KCND2: variants seen among roughly 807,000 people sequenced by gnomAD.
The protein encoded by KCND2 is potassium voltage-gated channel subfamily D member 2.
Under a neutral mutation model 54.4 loss-of-function variants are expected in KCND2, and 16 were observed. That is an observed-to-expected ratio of 0.29 (90% CI 0.20 to 0.45). The LOEUF (loss-of-function observed/expected upper bound fraction) is 0.45, where lower values mean the gene tolerates loss of function less well. KCND2 is among the 20% of genes least tolerant of loss of function. The pLI is 1.00. For synonymous variants in KCND2, 317 were observed against 310.7 expected, an observed-to-expected ratio of 1.02 and a Z score of -0.21; for missense variants, 486 against 824.2, an observed-to-expected ratio of 0.59 and a Z score of 5.02.
chr7:120,439,091 C>G (rs928872024), intron 1 of KCND2, among the ~76,000 whole-genome samples: 5 of 152,018 alleles, frequency 3.3e-5, no homozygotes, highest in Admixed American at 2.6e-4. Flanking sequence ...TAAGCCTGTG[C>G]TTTATTAAGA....
chr7:120,335,355 CAAAAAAAAAAA>C (rs35404512), intron 1 of KCND2, among the ~76,000 whole-genome samples: 5 of 58,398 alleles, frequency 8.6e-5, no homozygotes. Context: ...AAGACTCTAT[CAAAAAAAAAAA>C]AAAAAAAAAA....
intron 1 of KCND2, among the ~76,000 whole-genome samples, chr7:120,660,251 T>C (rs866762950): frequency 3.9e-5 from 6 of 152,278 alleles, no homozygotes; most frequent in Admixed American, 6.5e-5. Flanking sequence ...TTCTTCCAAT[T>C]AAAAGCAGTT....
At chr7:120,655,927 T>A (rs924638422) in intron 1 of KCND2, among the ~76,000 whole-genome samples, 1 of 152,116 alleles carries the variant, frequency 6.6e-6, no homozygotes, top group East Asian at 1.9e-4. Flanking sequence ...AGGTCAAAAT[T>A]AAAGAAGAAA....
intron 1 of KCND2, among the ~76,000 whole-genome samples, chr7:120,596,403 G>A (rs1359035109): frequency 6.6e-6 from 1 of 152,136 alleles, no homozygotes; most frequent in African/African-American, 2.4e-5. Context: ...TTGTGTAATT[G>A]TATATGAGTT....
intron 1 of KCND2, among the ~76,000 whole-genome samples, chr7:120,499,730 A>G (rs143067903): frequency 3.0e-4 from 45 of 152,274 alleles, no homozygotes; most frequent in African/African-American, 1.0e-3. Context: ...AAAATGTTTT[A>G]TGCTGTCCCC....
intron 1 of KCND2, among the ~76,000 whole-genome samples, chr7:120,459,342 T>C (rs1377237813): frequency 6.6e-6 from 1 of 152,186 alleles, no homozygotes; most frequent in Non-Finnish European, 1.5e-5. Context: ...ATTATCTGCA[T>C]AGCATGTTCC....
At position 120,280,821 on chromosome 7, in the gene KCND2, A is replaced by G. The variant is rs191027187; in HGVS notation, c.1115+5074A>G. On this transcript the variant is annotated intron_variant, in intron 1 of 5. Transcript: ENST00000331113. ...TATCTAGAAATGTGTTATAATAATT[A>G]TCGGGACTGCTGCTGATTATACAGG... Among the ~76,000 whole-genome samples, 457 of 152,244 alleles carry G rather than the reference A, an allele frequency of 3.0e-3. 3 individuals carry two copies. Among genetic ancestry groups the G allele is most frequent in the Admixed American group, 0.016 (245 of 15,274 alleles).
Position 120,748,781 on chromosome 7 carries a change from C to T in KCND2, c.*923C>T, listed in dbSNP as rs888429028. On this transcript the variant is annotated 3_prime_UTR_variant, in exon 6 of 6. Transcript: ENST00000331113. ...ATGTTTTTCAGTAATATTTTTTGGT[C>T]CACTGTATTCCTGTGACACAGTGCA... 3.3e-4 allele frequency: 50 copies of T among 151,918 alleles called. No homozygotes were observed. Among genetic ancestry groups the T allele is most frequent in the Admixed American group, 2.9e-3 (44 of 15,228 alleles). 9.4% of individuals were successfully genotyped at this position (151,918 alleles called of 1,614,324 possible). A position where few individuals can be genotyped will look rare whatever the true frequency, so the allele number is the denominator to read the frequency against.
intron 1 of KCND2, among the ~76,000 whole-genome samples, chr7:120,510,351 A>G (rs901234836): frequency 3.9e-5 from 6 of 152,134 alleles, no homozygotes; most frequent in South Asian, 4.1e-4. Context: ...GCTTAAGATT[A>G]CCAATTATGA....
intron 1 of KCND2, among the ~76,000 whole-genome samples, chr7:120,377,599 T>G (rs1800852991): frequency 6.6e-6 from 1 of 151,970 alleles, no homozygotes; most frequent in South Asian, 2.1e-4. Context: ...AGGTAACAGT[T>G]TAAGGAGTCA....
intron 1 of KCND2, among the ~76,000 whole-genome samples, chr7:120,531,562 G>A (rs919187803): frequency 3.3e-5 from 5 of 152,002 alleles, no homozygotes; most frequent in Non-Finnish European, 7.4e-5. Flanking sequence ...TAGAGAAACT[G>A]TTTCTATTTA....
intron 1 of KCND2, among the ~76,000 whole-genome samples, chr7:120,380,338 T>G (rs2116023958): frequency 6.6e-6 from 1 of 152,172 alleles, no homozygotes; most frequent in South Asian, 2.1e-4. Context: ...ATTTATGCCT[T>G]TCCTGTTTCC....
At chr7:120,507,363 G>C (rs1486546880) in intron 1 of KCND2, among the ~76,000 whole-genome samples, 1 of 151,850 alleles carries the variant, frequency 6.6e-6, no homozygotes, top group East Asian at 1.9e-4. Flanking sequence ...CTCACTACCT[G>C]TTCTCTTCTT....
intron 1 of KCND2, among the ~76,000 whole-genome samples, chr7:120,519,791 A>C (rs1051863272): frequency 3.3e-5 from 5 of 152,148 alleles, no homozygotes; most frequent in African/African-American, 1.2e-4. Context: ...AACAAAATGA[A>C]ATCTATTTTT....
chr7:120,448,353 A>G (rs903668787), intron 1 of KCND2, among the ~76,000 whole-genome samples: 8 of 152,204 alleles, frequency 5.3e-5, no homozygotes, highest in Admixed American at 5.2e-4. Flanking sequence ...TACAAAGGAC[A>G]TGAACTCATC....
At chr7:120,296,717 AT>A (rs1799518468) in intron 1 of KCND2, among the ~76,000 whole-genome samples, 1 of 152,092 alleles carries the variant, frequency 6.6e-6, no homozygotes, top group South Asian at 2.1e-4. Flanking sequence ...GTTTTCCAAT[AT>A]TTAGAGAAAT....
intron 1 of KCND2, among the ~76,000 whole-genome samples, chr7:120,458,842 A>G (rs1164102439): frequency 6.6e-6 from 1 of 150,524 alleles, no homozygotes; most frequent in Non-Finnish European, 1.5e-5. Flanking sequence ...AAAAATAATA[A>G]TTATTATTAT....
intron 1 of KCND2, among the ~76,000 whole-genome samples, chr7:120,286,653 G>C (rs1156626469): frequency 6.6e-6 from 1 of 151,790 alleles, no homozygotes; most frequent in Non-Finnish European, 1.5e-5. Flanking sequence ...TAAATCAAAA[G>C]GAATTTCCTA....
intron 1 of KCND2, among the ~76,000 whole-genome samples, chr7:120,698,995 A>G (rs1395727330): frequency 6.6e-6 from 1 of 152,102 alleles, no homozygotes; most frequent in Admixed American, 6.6e-5. Context: ...AATGGTATTA[A>G]ATCAGCCGGG....
Sources: allele counts gnomAD v4.1 joint callset (sites outside exome capture counted in the v4.1 genomes callset), GRCh38; gene constraint gnomAD v4.1.1; transcripts MANE v1.5; gene names NCBI Gene and HGNC (gene_info 2026-07-23, HGNC 2026-07-21).